Variants in EMILIN3 observed in about 807,000 individuals in gnomAD.
The protein encoded by EMILIN3 is EMILIN-3.
EMILIN3 carries 38 observed loss-of-function variants against 42.8 expected under a neutral mutation model. The observed-to-expected ratio is 0.89, with a 90% CI of 0.69 to 1.16. The LOEUF (loss-of-function observed/expected upper bound fraction) is 1.16. EMILIN3 is among the 50% of genes most tolerant of loss of function. EMILIN3 has a pLI of 0.00. For synonymous variants in EMILIN3, 430 were observed against 440.5 expected (o/e 0.98, Z 0.30); for missense variants, 924 against 999.5 (o/e 0.92, Z 1.02).
chr20:41,366,075 G>C lies in EMILIN3; in HGVS notation c.167+393C>G, dbSNP rs1196610086. ...TCTATCTCCTACCTGGCCGGGCCAG[G>C]GGAGAGAAGGGAGGCCCGGGGCGGG... is the stretch of plus-strand genomic sequence containing the variant. On this transcript the variant is annotated intron_variant, in intron 1 of 3. Transcript: ENST00000332312. The surrounding 1 kb of genome is among the most constrained non-coding windows in gnomAD (Gnocchi z 4.2). 6.6e-6 allele frequency among the ~76,000 whole-genome samples: 1 copy of C among 152,176 alleles called. No homozygotes were observed. The highest frequency in any genetic ancestry group is 1.5e-5 in the Non-Finnish European group (1 of 68,016).
At chr20:41,364,672 C>T (rs887607528) in intron 2 of EMILIN3, among the ~76,000 whole-genome samples, 1 of 152,202 alleles carries the variant, frequency 6.6e-6, no homozygotes, top group Non-Finnish European at 1.5e-5. Flanking sequence ...TGTGGCATCA[C>T]CCGTTGCCTA....
chr20:41,362,627 G>A lies in EMILIN3; in HGVS notation c.942C>T (p.Ser314=), dbSNP rs1218262141. 9.3e-6 allele frequency: 15 copies of A among 1,605,660 alleles called. No homozygotes were observed. Among genetic ancestry groups the A allele is most frequent in the Non-Finnish European group, 1.3e-5 (15 of 1,179,746 alleles). Residue 314 remains serine (S), a synonymous_variant, in exon 4 of 4, where the codon AGC becomes AGT. Transcript: ENST00000332312. The part of the protein sequence containing the change: ...VDRRLHRLWG[S]LLDGFEQKLQ... Reference sequence around the variant, plus strand: ...GCTTCTGCTCAAAGCCATCCAGCAGGCTCCCCCAGAGTCGGTGCAGCCGTC... The same window carrying A: ...GCTTCTGCTCAAAGCCATCCAGCAGACTCCCCCAGAGTCGGTGCAGCCGTC...
In EMILIN3 at chr20:41,363,099, T is replaced by C. The variant is rs755572259; in HGVS notation, c.515-45A>G. The C allele has an allele frequency of 7.0e-6, 10 of 1,429,314 alleles. No individual in the cohort carries two copies. The Admixed American group carries it at 1.6e-4, about 23-fold the overall frequency. 88.5% of individuals were successfully genotyped at this position (1,429,314 alleles called of 1,614,324 possible). On this transcript the variant is annotated intron_variant, in intron 3 of 3. Coordinates refer to ENST00000332312, the MANE Select transcript of EMILIN3 (RefSeq NM_052846.2). ...CCCAGGGGCATCACTGGCCTCACCC[T>C]CTCAGCTTGTCACAATGCCAGGCCA...
Position 41,362,065 on chromosome 20 carries a change from G to C in EMILIN3, c.1504C>G (p.Leu502Val). Residue 502 changes from leucine to valine, a missense_variant, in exon 4 of 4, where the codon CTT (leucine) becomes GTT (valine). Coordinates refer to ENST00000332312, the MANE Select transcript of EMILIN3 (RefSeq NM_052846.2). ...AGCACAGCCAGCTCTGTCTGTACAA[G>C]GGGCCGAGCTGACCTGCCCGGAGAG... ...SASPGRSARPLVQTELAVLEQ... is the reference protein window; with the variant it reads ...SASPGRSARPVVQTELAVLEQ... 6.2e-7 allele frequency: 1 copy of C among 1,609,544 alleles called. No homozygotes were observed. Among genetic ancestry groups the C allele is most frequent in the Middle Eastern group, 1.7e-4 (1 of 6,054 alleles).
At position 41,366,551 on chromosome 20, in the gene EMILIN3, CA is replaced by C; in HGVS notation, c.83del (p.Leu28ArgfsTer40). 8.7e-7 allele frequency: 1 copy of C among 1,145,880 alleles called. No homozygotes were observed. Among genetic ancestry groups the C allele is most frequent in the Non-Finnish European group, 1.1e-6 (1 of 934,924 alleles). The allele number at this position is 1,145,880 out of a possible 1,614,324, so 71.0% of individuals were successfully genotyped here. On this transcript the variant is annotated frameshift_variant, in exon 1 of 4. Transcript: ENST00000332312. LOFTEE classifies it high-confidence loss of function. The surrounding 1 kb of genome is among the most constrained non-coding windows in gnomAD (Gnocchi z 4.2). ...SGAQARGTPL[L>X]ARPAPPGASR... ...AGGCACCGGGCGGCGCAGGCCGCGC[CA>C]GGAGCGGGGTGCCCCTGGCCTGCGC...
Position 41,366,415 on chromosome 20 carries a change from A to C in EMILIN3, c.167+53T>G. 2 of 1,080,314 alleles carry C rather than the reference A, an allele frequency of 1.9e-6. No individual in the cohort carries two copies. The highest frequency in any genetic ancestry group is 2.2e-6 in the Non-Finnish European group (2 of 889,946). 66.9% of individuals were successfully genotyped at this position (1,080,314 alleles called of 1,614,324 possible). ...CGGGTGCGGGCAGGTGGGAGCGGCG[A>C]CGCGCGCGGGCCCATCCCTCCCTCT... On this transcript the variant is annotated intron_variant, in intron 1 of 3. Transcript: ENST00000332312. This position sits in a 1 kb window ranked among gnomAD's most constrained non-coding sequence, Gnocchi z 4.2.
In EMILIN3 at chr20:41,366,360, T is replaced by A. The variant is rs2046393703; in HGVS notation, c.167+108A>T. ...GCGCCGCCCCCTCTGTGCAGCGGCCTCGGGGTGCCCGGGGCCTCGACGCCC... is the reference window on the plus strand; with the variant it reads ...GCGCCGCCCCCTCTGTGCAGCGGCCACGGGGTGCCCGGGGCCTCGACGCCC... On this transcript the variant is annotated intron_variant, in intron 1 of 3. Transcript: ENST00000332312. The surrounding 1 kb of genome is among the most constrained non-coding windows in gnomAD (Gnocchi z 4.2). 1.2e-6 allele frequency: 1 copy of A among 849,778 alleles called. No individual in the cohort carries two copies. Among genetic ancestry groups the A allele is most frequent in the African/African-American group, 1.8e-5 (1 of 54,194 alleles). 52.6% of individuals were successfully genotyped at this position (849,778 alleles called of 1,614,324 possible). A position where few individuals can be genotyped will look rare whatever the true frequency, so the allele number is the denominator to read the frequency against.
intron 3 of EMILIN3, 141 bp downstream of exon 3, chr20:41,363,497 G>A: frequency 7.3e-6 from 6 of 821,862 alleles, no homozygotes; most frequent in Non-Finnish European, 1.1e-5. Context: ...CAGCTTTATG[G>A]TGGGGTGAAA....
In EMILIN3 at chr20:41,366,357, G is replaced by T; in HGVS notation, c.167+111C>A. The T allele has an allele frequency of 1.2e-6, 1 of 827,820 alleles. No homozygotes were observed. Among genetic ancestry groups the T allele is most frequent in the Non-Finnish European group, 1.5e-6 (1 of 666,786 alleles). 51.3% of individuals were successfully genotyped at this position (827,820 alleles called of 1,614,324 possible). A position where few individuals can be genotyped will look rare whatever the true frequency, so the allele number is the denominator to read the frequency against. ...CGGGCGCCGCCCCCTCTGTGCAGCG[G>T]CCTCGGGGTGCCCGGGGCCTCGACG... is the stretch of plus-strand genomic sequence containing the variant. On this transcript the variant is annotated intron_variant, in intron 1 of 3. Transcript: ENST00000332312. The surrounding 1 kb of genome is among the most constrained non-coding windows in gnomAD (Gnocchi z 4.2).
chr20:41,363,143 C>CA, intron 3 of EMILIN3, 89 bp from the exon 4 acceptor site: 1 of 974,546 alleles, frequency 1.0e-6, no homozygotes, highest in Non-Finnish European at 1.4e-6. Flanking sequence ...ACTTTCTGTT[C>CA]TTTTTTTTTT....
chr20:41,364,575 A>T (rs1312065726), intron 2 of EMILIN3, among the ~76,000 whole-genome samples: 3 of 152,096 alleles, frequency 2.0e-5, no homozygotes, highest in Non-Finnish European at 4.4e-5. Context: ...ATGTGCGTGC[A>T]GCCCTGCTGC....
Position 41,362,250 on chromosome 20 carries a change from T to C in EMILIN3, c.1319A>G (p.Glu440Gly). Residue 440 changes from glutamate (E) to glycine (G), a missense_variant, in exon 4 of 4, where the codon GAG becomes GGG. Physicochemically the swap from Glu to Gly is moderately conservative, Grantham distance 98 (BLOSUM62 -2). Transcript: ENST00000332312. ...GGVDGLLEGL[E>G]TLNGTEGGAR... is the part of the protein sequence containing the mutation. ...TCCACCCTCTGTCCCATTGAGCGTC[T>C]CCAGACCCTCAAGCAGCCCGTCCAC... is the stretch of plus-strand genomic sequence containing the variant. The C allele has an allele frequency of 6.2e-7, 1 of 1,611,690 alleles. No individual in the cohort carries two copies. Among genetic ancestry groups the C allele is most frequent in the Non-Finnish European group, 8.5e-7 (1 of 1,179,704 alleles).
rs2046393126 is a variant in EMILIN3, at chr20:41,366,258, C to T, written c.167+210G>A. 6.6e-6 allele frequency among the ~76,000 whole-genome samples: 1 copy of T among 151,750 alleles called. No individual in the cohort carries two copies. The highest frequency in any genetic ancestry group is 2.4e-5 in the African/African-American group (1 of 41,320). On this transcript the variant is annotated intron_variant, in intron 1 of 3. Coordinates refer to ENST00000332312, the MANE Select transcript of EMILIN3 (RefSeq NM_052846.2). This position sits in a 1 kb window ranked among gnomAD's most constrained non-coding sequence, Gnocchi z 4.2. ...ATCCCAAGCCGCCGCGCCAGGCCCC[C>T]TCGGTTCCTTTTTCCTCGCCAGCCC... is the stretch of plus-strand genomic sequence containing the variant.
Position 41,361,937 on chromosome 20 carries a change from G to A in EMILIN3, c.1632C>T (p.Ser544=), listed in dbSNP as rs781728666. The part of the protein sequence containing the change: ...VAEVKAWQSR[S]EALLRQVASH... ...TGGCCACCTGGCGTAGGAGGGCCTC[G>A]CTCCGGCTCTGCCAGGCCTTCACCT... The change falls in exon 4 of 4, where the codon AGC becomes AGT. Residue 544 remains serine (S), a synonymous_variant. Coordinates refer to ENST00000332312, the MANE Select transcript of EMILIN3 (RefSeq NM_052846.2). The A allele has an allele frequency of 5.0e-6, 8 of 1,612,554 alleles. No individual in the cohort carries two copies. Among genetic ancestry groups the A allele is most frequent in the African/African-American group, 4.0e-5 (3 of 74,938 alleles).
chr20:41,364,205 C>A (rs2046382636), intron 2 of EMILIN3, among the ~76,000 whole-genome samples: 1 of 152,144 alleles, frequency 6.6e-6, no homozygotes, highest in East Asian at 1.9e-4. Context: ...TGCAGTAGCA[C>A]CTGGGAGAAT....
chr20:41,365,280 T>C, intron 1 of EMILIN3, 123 bp from the exon 2 acceptor site: 1 of 1,386,052 alleles, frequency 7.2e-7, no homozygotes, highest in Non-Finnish European at 9.6e-7. Flanking sequence ...TTCTGTCTGT[T>C]CTCTGTGTCC....
chr20:41,361,737 G>A lies in EMILIN3; in HGVS notation c.1832C>T (p.Ala611Val). ...CAGGGACGTGTTGGCAGCCAAGAAGGCATCAGAGTACTGGCTGACAGAGTC... is the reference window on the plus strand; with the variant it reads ...CAGGGACGTGTTGGCAGCCAAGAAGACATCAGAGTACTGGCTGACAGAGTC... Reference protein sequence around the residue: ...LSDSVSQYSDAFLAANTSLDE... With the variant: ...LSDSVSQYSDVFLAANTSLDE... The change falls in exon 4 of 4, where the codon GCC (alanine) becomes GTC (valine). Residue 611 changes from alanine (A) to valine (V), a missense_variant. By Grantham distance (64) the Ala-to-Val change is moderately conservative. Coordinates refer to ENST00000332312, the MANE Select transcript of EMILIN3 (RefSeq NM_052846.2). The A allele has an allele frequency of 6.2e-7, 1 of 1,613,380 alleles. No individual in the cohort carries two copies. The highest frequency in any genetic ancestry group is 8.5e-7 in the Non-Finnish European group (1 of 1,179,792).
rs1177805912 is a variant in EMILIN3 at position 41,362,271 on chromosome 20, T to C, written c.1298A>G (p.Asp433Gly). The change falls in exon 4 of 4, where the codon GAC (aspartate) becomes GGC (glycine). Residue 433 changes from aspartate to glycine, a missense_variant. By Grantham distance (94) the Asp-to-Gly change is moderately conservative. Transcript: ENST00000332312. ...LSAAMLEGGVDGLLEGLETLN... is the reference protein window; with the variant it reads ...LSAAMLEGGVGGLLEGLETLN... ...CGTCTCCAGACCCTCAAGCAGCCCGTCCACACCTCCCTCGAGCATGGCAGC... is the reference window on the plus strand; with the variant it reads ...CGTCTCCAGACCCTCAAGCAGCCCGCCCACACCTCCCTCGAGCATGGCAGC... 2.5e-6 allele frequency: 4 copies of C among 1,612,612 alleles called. No individual in the cohort carries two copies. The African/African-American group carries it at 5.4e-5, about 22-fold the overall frequency.
At position 41,361,244 on chromosome 20, in the gene EMILIN3, G is replaced by C; in HGVS notation, c.*24C>G. On this transcript the variant is annotated 3_prime_UTR_variant, in exon 4 of 4. Coordinates refer to ENST00000332312, the MANE Select transcript of EMILIN3 (RefSeq NM_052846.2). ...ATGTTCCCCGAGTTGGTGGGATCTA[G>C]GGGTTGGGTCCTGGCCAGCCTGTCT... 1 of 1,555,956 alleles carries C rather than the reference G, an allele frequency of 6.4e-7. No homozygotes were observed. Among genetic ancestry groups the C allele is most frequent in the Non-Finnish European group, 8.7e-7 (1 of 1,144,626 alleles).
Sources: gnomAD v4.1 joint callset for allele counts (sites outside exome capture counted in the v4.1 genomes callset) on GRCh38, gnomAD v4.1.1 for gene constraint, Gnocchi (gnomAD v3.1) non-coding constraint, MANE v1.5 for transcripts, NCBI Gene and HGNC (gene_info 2026-07-23, HGNC 2026-07-21) for gene names.